The following SLC38A1 variants were observed in gnomAD, a reference collection of about 807,000 sequenced individuals.
SLC38A1 encodes the protein solute carrier family 38 member 1.
Under a neutral mutation model 60.3 loss-of-function variants are expected in SLC38A1, and 18 were observed. The observed-to-expected ratio is 0.30, with a 90% confidence interval of 0.21 to 0.44. The LOEUF (loss-of-function observed/expected upper bound fraction) is 0.44. Ranked by LOEUF, SLC38A1 falls within the 20% of genes least tolerant of loss-of-function variation. The pLI, the probability that SLC38A1 is intolerant of heterozygous loss-of-function variation, is 1.00. For synonymous variants in SLC38A1, 196 were observed against 212.1 expected, an observed-to-expected ratio of 0.92 and a Z score of 0.66; for missense variants, 448 against 587.2, an observed-to-expected ratio of 0.76 and a Z score of 2.45.
intron 1 of SLC38A1, among the ~76,000 whole-genome samples, chr12:46,261,650 T>G (rs1232539363): frequency 6.6e-6 from 1 of 152,244 alleles, no homozygotes; most frequent in Non-Finnish European, 1.5e-5. Context: ...TGATCTCCTT[T>G]ACATTTGATC....
In SLC38A1 at chr12:46,246,095, G is replaced by T. The variant is rs185004639; in HGVS notation, c.-208-2781C>A. Among the ~76,000 whole-genome samples, 296 of 152,326 alleles carry T rather than the reference G, an allele frequency of 1.9e-3. 8 individuals carry two copies. Among genetic ancestry groups the T allele is most frequent in the Admixed American group, 0.017 (261 of 15,296 alleles). ...TGCAGCTCCCAGCGTGAACAAAGCAGAAGACAGGTGATTTCTGCACTTCCA... is the reference window on the plus strand; with the variant it reads ...TGCAGCTCCCAGCGTGAACAAAGCATAAGACAGGTGATTTCTGCACTTCCA... On this transcript the variant is annotated intron_variant, in intron 1 of 16. Transcript: ENST00000398637.
chr12:46,233,618 G>A (rs1235722798), intron 3 of SLC38A1, among the ~76,000 whole-genome samples: 1 of 152,174 alleles, frequency 6.6e-6, no homozygotes, highest in African/African-American at 2.4e-5. Context: ...GTCAAACATT[G>A]TACAGTTGAA....
chr12:46,215,610 A>AT (rs763755687), intron 5 of SLC38A1, among the ~76,000 whole-genome samples: 1 of 151,920 alleles, frequency 6.6e-6, no homozygotes, highest in Admixed American at 6.6e-5. Flanking sequence ...GTTTCACCAT[A>AT]TTGGCCAGGC....
intron 1 of SLC38A1, among the ~76,000 whole-genome samples, chr12:46,245,985 A>G (rs111587843): frequency 1.3e-5 from 2 of 152,320 alleles, no homozygotes; most frequent in African/African-American, 4.8e-5. Flanking sequence ...ATTTTCAAGA[A>G]CAGAAGAGGA....
At chr12:46,214,607 T>C (rs1044058405) in intron 5 of SLC38A1, among the ~76,000 whole-genome samples, 8 of 152,266 alleles carry the variant, frequency 5.3e-5, no homozygotes, top group African/African-American at 1.9e-4. Context: ...ACAACTGTAT[T>C]TGGGTAAATT....
At chr12:46,264,269 T>G (rs892294572) in intron 1 of SLC38A1, among the ~76,000 whole-genome samples, 3 of 152,190 alleles carry the variant, frequency 2.0e-5, no homozygotes, top group Non-Finnish European at 4.4e-5. Context: ...TTCACAACTC[T>G]GAGGTACGCA....
chr12:46,201,414 G>A (rs1268735505), intron 12 of SLC38A1, among the ~76,000 whole-genome samples: 2 of 152,130 alleles, frequency 1.3e-5, no homozygotes, highest in South Asian at 2.1e-4. Flanking sequence ...TCCCGTTAGC[G>A]TTCTTCCCCA....
chr12:46,236,617 A>G (rs931416531), intron 3 of SLC38A1, among the ~76,000 whole-genome samples: 1 of 152,284 alleles, frequency 6.6e-6, no homozygotes, highest in South Asian at 2.1e-4. Context: ...TCCACCCTGT[A>G]GACATTACCT....
intron 12 of SLC38A1, among the ~76,000 whole-genome samples, chr12:46,201,736 G>A (rs1009985519): frequency 6.6e-5 from 10 of 151,738 alleles, no homozygotes; most frequent in African/African-American, 2.2e-4. Flanking sequence ...CCATCTCTCA[G>A]GTCAAGTTCA....
At chr12:46,264,719 A>G (rs970972047) in intron 1 of SLC38A1, among the ~76,000 whole-genome samples, 3 of 152,200 alleles carry the variant, frequency 2.0e-5, no homozygotes, top group African/African-American at 7.2e-5. Context: ...TTGTCATCTG[A>G]GTAGTACACA....
intron 15 of SLC38A1, 30 bp from the exon 16 acceptor site, chr12:46,197,847 G>C (rs115280791): frequency 1.2e-6 from 2 of 1,600,276 alleles, no homozygotes; most frequent in East Asian, 2.2e-5. Flanking sequence ...AGAAAGTTTA[G>C]CATTGCTATT....
At chr12:46,234,464 T>G (rs1258029340) in intron 3 of SLC38A1, among the ~76,000 whole-genome samples, 3 of 148,018 alleles carry the variant, frequency 2.0e-5, no homozygotes, top group Non-Finnish European at 3.0e-5. Flanking sequence ...TTTTTTTTTG[T>G]TGAGACGGAG....
intron 1 of SLC38A1, among the ~76,000 whole-genome samples, chr12:46,261,547 C>T (rs530570968): frequency 6.6e-6 from 1 of 152,192 alleles, no homozygotes; most frequent in Non-Finnish European, 1.5e-5. Flanking sequence ...GTGAGCATCA[C>T]AAACACCATC....
intron 5 of SLC38A1, among the ~76,000 whole-genome samples, chr12:46,224,511 C>G (rs571212451): frequency 2.4e-4 from 37 of 152,274 alleles, no homozygotes; most frequent in African/African-American, 7.7e-4. Context: ...AGGCTCCACA[C>G]CCAGCCTCAG....
chr12:46,265,817 A>G (rs1006973929), intron 1 of SLC38A1, among the ~76,000 whole-genome samples: 4 of 152,150 alleles, frequency 2.6e-5, no homozygotes, highest in Non-Finnish European at 5.9e-5. Flanking sequence ...ACTCTTAACC[A>G]TATGTTGTGC....
At chr12:46,240,205 T>C (rs978061890) in intron 2 of SLC38A1, among the ~76,000 whole-genome samples, 6 of 152,182 alleles carry the variant, frequency 3.9e-5, no homozygotes, top group Admixed American at 2.0e-4. Context: ...AGTGTTGTTG[T>C]TGTTCTTTGA....
At chr12:46,202,979 A>T (rs752703882) in intron 12 of SLC38A1, 31 bp downstream of exon 12, 1 of 1,563,936 alleles carries the variant, frequency 6.4e-7, no homozygotes. Context: ...ATGTAAAACG[A>T]TTAAGATAAA....
chr12:46,246,048 C>T (rs537655757), intron 1 of SLC38A1, among the ~76,000 whole-genome samples: 9 of 152,238 alleles, frequency 5.9e-5, no homozygotes, highest in African/African-American at 1.2e-4. Context: ...TCAAAGAGGG[C>T]CAAATAGGAA....
intron 3 of SLC38A1, among the ~76,000 whole-genome samples, chr12:46,230,028 C>T (rs753913311): frequency 3.3e-5 from 5 of 152,146 alleles, no homozygotes; most frequent in African/African-American, 4.8e-5. Context: ...CTATATGCAA[C>T]ATAAATTAAT....
Sources: gnomAD v4.1 joint callset for allele counts (sites outside exome capture counted in the v4.1 genomes callset) on GRCh38, gnomAD v4.1.1 for gene constraint, MANE v1.5 for transcripts, NCBI Gene and HGNC (gene_info 2026-07-23, HGNC 2026-07-21) for gene names.